The following VEPH1 variants were observed in gnomAD, a reference collection of about 807,000 sequenced individuals.
VEPH1 encodes the protein ventricular zone expressed PH domain containing 1.
A neutral mutation model predicts 85.2 loss-of-function variants in VEPH1; 80 were observed. The observed-to-expected ratio is 0.94, with a 90% confidence interval of 0.78 to 1.13. VEPH1 has a LOEUF of 1.13. Ranked by LOEUF, VEPH1 falls within the 50% of genes most tolerant of loss-of-function variation. The pLI is 0.00. For synonymous variants in VEPH1, 297 were observed against 348.0 expected, an observed-to-expected ratio of 0.85 and a Z score of 1.63; for missense variants, 955 against 980.5, an observed-to-expected ratio of 0.97 and a Z score of 0.35.
chr3:157,444,250 T>C (rs1193821588), intron 4 of VEPH1, among the ~76,000 whole-genome samples: 1 of 152,208 alleles, frequency 6.6e-6, no homozygotes. Context: ...CACAGGACAT[T>C]TCCTCTTCAT....
chr3:157,335,218 A>G (rs1214653534), intron 9 of VEPH1, among the ~76,000 whole-genome samples: 1 of 149,746 alleles, frequency 6.7e-6, no homozygotes, highest in East Asian at 1.9e-4. Context: ...TGGGCAACAT[A>G]GTAGGACCAC....
intron 2 of VEPH1, among the ~76,000 whole-genome samples, chr3:157,484,170 T>C (rs1056291430): frequency 6.6e-6 from 1 of 152,156 alleles, no homozygotes; most frequent in South Asian, 2.1e-4. Flanking sequence ...TACTGAGAAA[T>C]GAAATGGCTG....
intron 6 of VEPH1, among the ~76,000 whole-genome samples, chr3:157,389,200 T>G (rs1729599019): frequency 1.3e-5 from 2 of 152,176 alleles, no homozygotes; most frequent in Admixed American, 1.3e-4. Context: ...GCAAGGTAAT[T>G]TATGCCTGAA....
At position 157,361,040 on chromosome 3, in the gene VEPH1, C is replaced by G. The variant is rs1050298338; in HGVS notation, c.1735+2324G>C. Among the ~76,000 whole-genome samples the G allele has an allele frequency of 1.3e-5, 2 of 152,168 alleles. 1 individual carries two copies. Among genetic ancestry groups the G allele is most frequent in the South Asian group, 4.1e-4 (2 of 4,826 alleles). On this transcript the variant is annotated intron_variant, in intron 9 of 13. Coordinates refer to ENST00000362010, the MANE Select transcript of VEPH1 (RefSeq NM_001167912.2). ...TACCTTTATCTTTGCTATTGACTCC[C>G]TGTGTCAAACTGGGGAATTCACTTA...
intron 2 of VEPH1, among the ~76,000 whole-genome samples, chr3:157,473,067 C>CTTTTTTTTTT (rs200991031): frequency 1.2e-5 from 1 of 82,676 alleles, no homozygotes; most frequent in African/African-American, 5.7e-5. Flanking sequence ...TTAAATGAAC[C>CTTTTTTTTTT]TTTTTTTTTT....
chr3:157,495,583 G>A (rs549912065), intron 1 of VEPH1, 77 bp from the exon 2 acceptor site: 32 of 910,840 alleles, frequency 3.5e-5, no homozygotes, highest in Middle Eastern at 3.9e-4. Flanking sequence ...AGTGTCCAGC[G>A]GAGAGAGAGA....
At chr3:157,449,415 A>G (rs1734788511) in intron 4 of VEPH1, among the ~76,000 whole-genome samples, 1 of 152,184 alleles carries the variant, frequency 6.6e-6, no homozygotes, top group Non-Finnish European at 1.5e-5. Flanking sequence ...TCTCAAAACC[A>G]TTTATTGAAT....
chr3:157,432,339 T>C (rs531606039), intron 4 of VEPH1, among the ~76,000 whole-genome samples: 1 of 152,130 alleles, frequency 6.6e-6, no homozygotes, highest in South Asian at 2.1e-4. Flanking sequence ...TGTTTTCATT[T>C]TTTTACTTCA....
chr3:157,485,420 T>C (rs1401515423), intron 2 of VEPH1, among the ~76,000 whole-genome samples: 1 of 152,168 alleles, frequency 6.6e-6, no homozygotes, highest in East Asian at 1.9e-4. Flanking sequence ...GATTTTAATA[T>C]GGGAAAATGT....
intron 7 of VEPH1, among the ~76,000 whole-genome samples, chr3:157,377,361 A>C (rs1728244018): frequency 6.6e-6 from 1 of 151,648 alleles, no homozygotes; most frequent in African/African-American, 2.4e-5. Flanking sequence ...ATGCATTCTC[A>C]TACATGCAGA....
intron 4 of VEPH1, chr3:157,443,522 G>T (rs537655002): frequency 6.5e-6 from 1 of 152,826 alleles, no homozygotes; most frequent in South Asian, 2.1e-4. Flanking sequence ...TATTGCAAAA[G>T]GGATTTGTAT....
At chr3:157,344,658 A>G (rs980679017) in intron 9 of VEPH1, among the ~76,000 whole-genome samples, 3 of 152,220 alleles carry the variant, frequency 2.0e-5, no homozygotes, top group African/African-American at 7.2e-5. Flanking sequence ...CTTTCTTCAC[A>G]GAATTGGAAA....
intron 3 of VEPH1, among the ~76,000 whole-genome samples, chr3:157,463,151 A>G (rs543672377): frequency 6.6e-6 from 1 of 152,300 alleles, no homozygotes; most frequent in East Asian, 1.9e-4. Flanking sequence ...GAGCCAATTA[A>G]ATATCTTGCA....
intron 6 of VEPH1, among the ~76,000 whole-genome samples, chr3:157,382,201 C>T (rs1728858706): frequency 6.6e-6 from 1 of 152,064 alleles, no homozygotes; most frequent in South Asian, 2.1e-4. Flanking sequence ...TATGCTTGGC[C>T]GATTGAGTAG....
intron 4 of VEPH1, among the ~76,000 whole-genome samples, chr3:157,430,431 C>T (rs1733053008): frequency 6.6e-6 from 1 of 152,144 alleles, no homozygotes; most frequent in Non-Finnish European, 1.5e-5. Flanking sequence ...TGTGTTATTC[C>T]AGTGTATAAA....
At chr3:157,455,303 G>T (rs1187883851) in intron 4 of VEPH1, among the ~76,000 whole-genome samples, 1 of 152,070 alleles carries the variant, frequency 6.6e-6, no homozygotes, top group Admixed American at 6.6e-5. Flanking sequence ...GGTATGAGAT[G>T]GTACCTCATT....
chr3:157,485,422 G>A (rs1577785622), intron 2 of VEPH1, among the ~76,000 whole-genome samples: 1 of 151,930 alleles, frequency 6.6e-6, no homozygotes, highest in Non-Finnish European at 1.5e-5. Context: ...TTTTAATATG[G>A]GAAAATGTCT....
intron 11 of VEPH1, among the ~76,000 whole-genome samples, chr3:157,307,358 A>T (rs1401239806): frequency 6.6e-6 from 1 of 151,760 alleles, no homozygotes; most frequent in Non-Finnish European, 1.5e-5. Context: ...AACTTTCGAT[A>T]TTTTCTTCTA....
intron 4 of VEPH1, among the ~76,000 whole-genome samples, chr3:157,452,926 T>C (rs1735092528): frequency 1.3e-5 from 2 of 152,184 alleles, no homozygotes; most frequent in African/African-American, 4.8e-5. Context: ...CTACTCCCAA[T>C]CTATGTGGCT....
Sources: gnomAD v4.1 joint callset for allele counts (sites outside exome capture counted in the v4.1 genomes callset) on GRCh38, gnomAD v4.1.1 for gene constraint, MANE v1.5 for transcripts, NCBI Gene and HGNC (gene_info 2026-07-23, HGNC 2026-07-21) for gene names.